Variants in ANKRD30B observed in about 807,000 individuals in gnomAD.
ANKRD30B encodes the protein ankyrin repeat domain-containing protein 30B.
In ANKRD30B, 144 loss-of-function variants were observed where a neutral mutation model predicts 202.2. The ratio of observed to expected loss-of-function variants is 0.71; its 90% CI spans 0.62 to 0.82. The LOEUF is 0.82. Ranked by LOEUF, ANKRD30B falls within the 40% of genes least tolerant of loss-of-function variation. The pLI is 0.00. For synonymous variants in ANKRD30B, 508 were observed against 561.3 expected (o/e 0.91, Z 1.34); for missense variants, 1,487 against 1,669.1 (o/e 0.89, Z 1.90).
chr18:14,910,820 C>T, the ANKRD30B span, among the ~76,000 whole-genome samples: 2 of 152,110 alleles, frequency 1.3e-5, no homozygotes, highest in Admixed American at 1.3e-4. Flanking sequence ...AATAGCCATT[C>T]TGATTGGTGT....
chr18:14,796,525 A>G, intron 18 of ANKRD30B, 110 bp downstream of exon 18: 1 of 1,298,462 alleles, frequency 7.7e-7, no homozygotes, highest in Non-Finnish European at 1.0e-6. Context: ...TTGGTGGGAA[A>G]ATTTGAAACA....
At chr18:14,816,218 C>T (rs1338493835) in intron 30 of ANKRD30B, 3 of 152,218 alleles carry the variant, frequency 2.0e-5, no homozygotes, top group Non-Finnish European at 4.4e-5. Context: ...CACTTATCTC[C>T]TCATCACTCA....
chr18:14,783,984 C>T (rs1967916621), intron 12 of ANKRD30B, among the ~76,000 whole-genome samples: 2 of 152,244 alleles, frequency 1.3e-5, no homozygotes, highest in South Asian at 4.1e-4. Context: ...TATTAAAGAA[C>T]ATGATGAATA....
At chr18:14,906,286 T>A in the ANKRD30B span, among the ~76,000 whole-genome samples, 16 of 152,302 alleles carry the variant, frequency 1.1e-4, no homozygotes, top group Non-Finnish European at 1.6e-4. Flanking sequence ...CTCCTGTCAC[T>A]TTCTCTTGTG....
chr18:14,868,112 G>A, the ANKRD30B span, among the ~76,000 whole-genome samples: 2 of 152,264 alleles, frequency 1.3e-5, no homozygotes, highest in Admixed American at 1.3e-4. Context: ...TTGGAGGGTG[G>A]GCAGGTGCAT....
the ANKRD30B span, among the ~76,000 whole-genome samples, chr18:14,935,274 C>T: frequency 6.6e-6 from 1 of 152,200 alleles, no homozygotes; most frequent in South Asian, 2.1e-4. Flanking sequence ...ACTTTCCTCA[C>T]TTAGAGGATG....
intron 9 of ANKRD30B, among the ~76,000 whole-genome samples, chr18:14,777,046 A>G (rs560988814): frequency 1.4e-4 from 21 of 152,292 alleles, no homozygotes; most frequent in African/African-American, 4.8e-4. Context: ...GAAATGCCCT[A>G]TTATTTTTGG....
chr18:14,837,764 A>G, intron 36 of ANKRD30B, 88 bp downstream of exon 36: 1 of 1,220,910 alleles, frequency 8.2e-7, no homozygotes, highest in African/African-American at 1.6e-5. Context: ...TTATTCTCTC[A>G]CCTCTGATTA....
At chr18:14,773,314 C>T (rs1473620838) in intron 9 of ANKRD30B, among the ~76,000 whole-genome samples, 10 of 152,000 alleles carry the variant, frequency 6.6e-5, no homozygotes, top group South Asian at 2.1e-4. Context: ...AGAAAACATA[C>T]GTGTGTGCAT....
chr18:14,788,410 A>G (rs1229744295), intron 15 of ANKRD30B, among the ~76,000 whole-genome samples: 1 of 152,100 alleles, frequency 6.6e-6, no homozygotes, highest in African/African-American at 2.4e-5. Flanking sequence ...TATTATTATT[A>G]TACTTTAAGT....
At position 14,760,616 on chromosome 18, in the gene ANKRD30B, C is replaced by T; in HGVS notation, c.818C>T (p.Pro273Leu). 1 of 1,533,336 alleles carries T rather than the reference C, an allele frequency of 6.5e-7. No individual in the cohort carries two copies. Among genetic ancestry groups the T allele is most frequent in the South Asian group, 1.2e-5 (1 of 80,870 alleles). 95.0% of individuals were successfully genotyped at this position (1,533,336 alleles called of 1,614,324 possible). A position where few individuals can be genotyped will look rare whatever the true frequency, so the allele number is the denominator to read the frequency against. ...CCTAAAAATCCTCAAAATACCAATC[C>T]AGGTAAGACTTCGGATAGCAAACTA... ...KLPKNPQNTN[P>L]EGTSTGTPDE... Residue 273 changes from proline (P) to leucine (L), a missense_variant and splice_region_variant, in exon 6 of 44, where the codon CCA becomes CTA. Transcript: ENST00000690538.
chr18:14,909,646 G>T, the ANKRD30B span, among the ~76,000 whole-genome samples: 1 of 152,130 alleles, frequency 6.6e-6, no homozygotes, highest in African/African-American at 2.4e-5. Flanking sequence ...GGCCTCAGGT[G>T]ATCCACATGC....
intron 16 of ANKRD30B, among the ~76,000 whole-genome samples, chr18:14,794,770 G>A (rs1236595516): frequency 1.3e-5 from 2 of 152,154 alleles, no homozygotes; most frequent in Non-Finnish European, 2.9e-5. Context: ...GTTTTAGAGA[G>A]TTTATGTCCC....
the ANKRD30B span, among the ~76,000 whole-genome samples, chr18:14,938,455 C>T: frequency 6.6e-6 from 1 of 152,202 alleles, no homozygotes; most frequent in African/African-American, 2.4e-5. Context: ...AACCCATATT[C>T]CCTTTCTCCT....
intron 5 of ANKRD30B, 133 bp from the exon 6 acceptor site, chr18:14,760,421 G>C: frequency 3.7e-6 from 2 of 543,352 alleles, no homozygotes; most frequent in Non-Finnish European, 6.5e-6. Context: ...CAAACTTAAA[G>C]TCTGTGAAAT....
chr18:14,831,200 A>AAAAAAAAAAC (rs1970918753), intron 33 of ANKRD30B, among the ~76,000 whole-genome samples, 183 bp from the exon 34 acceptor site: 1 of 148,014 alleles, frequency 6.8e-6, no homozygotes, highest in Non-Finnish European at 1.5e-5. Context: ...AAAAAAAAAA[A>AAAAAAAAAAC]CGAAAACCAG....
chr18:14,755,960 ATCCCT>A (rs1423839103), intron 4 of ANKRD30B, among the ~76,000 whole-genome samples: 2 of 152,164 alleles, frequency 1.3e-5, no homozygotes, highest in Non-Finnish European at 1.5e-5. Flanking sequence ...CTAGTTCTAG[ATCCCT>A]GAGGAATCGC....
At chr18:14,871,576 G>T in the ANKRD30B span, among the ~76,000 whole-genome samples, 7 of 151,914 alleles carry the variant, frequency 4.6e-5, no homozygotes, top group Admixed American at 4.6e-4. Context: ...GGCAGATGCT[G>T]AGATGGGGTT....
chr18:14,849,469 G>A (rs919694737), intron 40 of ANKRD30B, among the ~76,000 whole-genome samples: 1 of 151,596 alleles, frequency 6.6e-6, no homozygotes, highest in Non-Finnish European at 1.5e-5. Flanking sequence ...ATCTTAATGT[G>A]CATGGAATAT....
Sources: gnomAD v4.1 joint callset for allele counts (sites outside exome capture counted in the v4.1 genomes callset) on GRCh38, gnomAD v4.1.1 for gene constraint, MANE v1.5 for transcripts, NCBI Gene and HGNC (gene_info 2026-07-23, HGNC 2026-07-21) for gene names.